Variants in TG observed in about 807,000 individuals in gnomAD.
The protein encoded by TG is thyroglobulin.
A neutral mutation model predicts 324.7 loss-of-function variants in TG; 270 were observed. The observed-to-expected ratio is 0.83, with a 90% CI of 0.75 to 0.92. The LOEUF is 0.92. Ranked by LOEUF, TG falls within the 40% of genes least tolerant of loss-of-function variation. The pLI, the probability that TG is intolerant of heterozygous loss-of-function variation, is 0.00. For synonymous variants in TG, 1,401 were observed against 1,327.0 expected, an observed-to-expected ratio of 1.06 and a Z score of -1.21; for missense variants, 3,591 against 3,456.4, an observed-to-expected ratio of 1.04 and a Z score of -0.98.
Position 133,079,139 on chromosome 8 carries a change from C to T in TG, c.7240-15905C>T, listed in dbSNP as rs1330908686. ...TAGCAGGTGATGCCCCCACCAAGGA[C>T]GTCAAGTGTAAGCATGGAGTCAGGC... On this transcript the variant is annotated intron_variant, in intron 41 of 47. Coordinates refer to ENST00000220616, the MANE Select transcript of TG (RefSeq NM_003235.5). 4.6e-5 allele frequency among the ~76,000 whole-genome samples: 7 copies of T among 152,116 alleles called. No individual in the cohort carries two copies. The East Asian group carries it at 5.8e-4, about 13-fold the overall frequency.
At position 132,888,299 on chromosome 8, in the gene TG, A is replaced by G. The variant is rs150186664; in HGVS notation, c.2492A>G (p.Asp831Gly). The G allele has an allele frequency of 2.5e-6, 4 of 1,614,004 alleles. No individual in the cohort carries two copies. The African/African-American group carries it at 5.3e-5, about 22-fold the overall frequency. The change falls in exon 10 of 48, where the codon GAT (aspartate) becomes GGT (glycine). Residue 831 changes from aspartate (D) to glycine (G), a missense_variant. By Grantham distance (94) the Asp-to-Gly change is moderately conservative (BLOSUM62 -1). Transcript: ENST00000220616. ...AGTCTGTATGAGGCTGGCCAGCAAG[A>G]TGTCTTCCCGGTGCTGTCACAATAC... ...IQSLYEAGQQDVFPVLSQYPS... is the reference protein window; with the variant it reads ...IQSLYEAGQQGVFPVLSQYPS...
intron 27 of TG, among the ~76,000 whole-genome samples, chr8:132,953,526 A>G (rs185148904): frequency 6.6e-6 from 1 of 152,306 alleles, no homozygotes; most frequent in East Asian, 1.9e-4. Context: ...TCTGTTTGGT[A>G]AAAGCTTCAT....
At position 132,983,379 on chromosome 8, in the gene TG, C is replaced by T. The variant is rs780873069; in HGVS notation, c.6229C>T (p.Pro2077Ser). 1 of 1,613,942 alleles carries T rather than the reference C, an allele frequency of 6.2e-7. No individual in the cohort carries two copies. The highest frequency in any genetic ancestry group is 1.1e-5 in the South Asian group (1 of 91,074). The change falls in exon 35 of 48, where the codon CCT becomes TCT. Residue 2077 changes from proline to serine, a missense_variant. Pro to Ser is a moderately conservative substitution (Grantham distance 74, BLOSUM62 -1). Coordinates refer to ENST00000220616, the MANE Select transcript of TG (RefSeq NM_003235.5). ...TCAAAATAATGCTCCCAGTTTTTGC[C>T]CTTTGGTTGTTCTGCCTTCCCTCAC... ...IAQNNAPSFCPLVVLPSLTEK... is the reference protein window; with the variant it reads ...IAQNNAPSFCSLVVLPSLTEK...
At chr8:133,013,398 G>A (rs1188925988) in intron 36 of TG, among the ~76,000 whole-genome samples, 1 of 152,084 alleles carries the variant, frequency 6.6e-6, no homozygotes, top group African/African-American at 2.4e-5. Context: ...TGAAAGGGTA[G>A]ATGGATGGAA....
intron 22 of TG, 28 bp downstream of exon 22, chr8:132,923,536 G>A (rs1213847733): frequency 5.0e-6 from 8 of 1,607,456 alleles, no homozygotes; most frequent in Non-Finnish European, 6.8e-6. Context: ...AATCAGTCAT[G>A]GTTCCTGGGG....
chr8:132,886,852 A>C lies in TG; in HGVS notation c.1480A>C (p.Thr494Pro), dbSNP rs114720115. Residue 494 changes from threonine (T) to proline (P), a missense_variant, in exon 9 of 48, where the codon ACA (threonine) becomes CCA (proline). Coordinates refer to ENST00000220616, the MANE Select transcript of TG (RefSeq NM_003235.5). ...NLSGALGTRG[T>P]FNFSQFFQQL... ...GTCTGGAGCCCTTGGCACAAGAGGCACATTTAACTTCAGTCAATTTTTCCA... is the reference window on the plus strand; with the variant it reads ...GTCTGGAGCCCTTGGCACAAGAGGCCCATTTAACTTCAGTCAATTTTTCCA... 2 of 1,614,200 alleles carry C rather than the reference A, an allele frequency of 1.2e-6. No individual in the cohort carries two copies. Among genetic ancestry groups the C allele is most frequent in the South Asian group, 2.2e-5 (2 of 91,078 alleles).
At chr8:133,131,137 A>C (rs1851917466) in intron 45 of TG, among the ~76,000 whole-genome samples, 1 of 152,010 alleles carries the variant, frequency 6.6e-6, no homozygotes. Flanking sequence ...TGGCTTTTCC[A>C]CTCTACCACT....
intron 25 of TG, among the ~76,000 whole-genome samples, chr8:132,940,848 G>C (rs1204395423): frequency 6.6e-6 from 1 of 152,228 alleles, no homozygotes; most frequent in African/African-American, 2.4e-5. Context: ...GCAATGACAT[G>C]CTCAGAAAAC....
chr8:133,027,886 C>T (rs538366313), intron 40 of TG, among the ~76,000 whole-genome samples: 4 of 152,202 alleles, frequency 2.6e-5, no homozygotes, highest in East Asian at 3.9e-4. Flanking sequence ...CATGTTGGAC[C>T]GTAATTGCTT....
At chr8:132,939,612 G>A (rs1475302956) in intron 25 of TG, among the ~76,000 whole-genome samples, 1 of 152,084 alleles carries the variant, frequency 6.6e-6, no homozygotes, top group African/African-American at 2.4e-5. Context: ...CTGAGCATAA[G>A]CTAAGTGGCA....
chr8:132,988,355 G>C (rs148367223), intron 35 of TG, among the ~76,000 whole-genome samples: 1 of 152,250 alleles, frequency 6.6e-6, no homozygotes, highest in South Asian at 2.1e-4. Flanking sequence ...GGAAGCATGG[G>C]GACATGCATC....
In TG at chr8:132,869,716, G is replaced by T. The variant is rs376232549; in HGVS notation, c.177-13G>T. 6.2e-7 allele frequency: 1 copy of T among 1,613,782 alleles called. No individual in the cohort carries two copies. The highest frequency in any genetic ancestry group is 2.2e-5 in the East Asian group (1 of 44,890). ...CCCATCCCAGGGTCACCTGGTCTGTGTCTCCTCCTCAGGACTGTCCAGTGC... is the reference window on the plus strand; with the variant it reads ...CCCATCCCAGGGTCACCTGGTCTGTTTCTCCTCCTCAGGACTGTCCAGTGC... On this transcript the variant is annotated splice_polypyrimidine_tract_variant and intron_variant, in intron 2 of 47. Coordinates refer to ENST00000220616, the MANE Select transcript of TG (RefSeq NM_003235.5).
intron 2 of TG, among the ~76,000 whole-genome samples, chr8:132,868,498 C>T (rs955064819): frequency 2.0e-5 from 3 of 152,210 alleles, no homozygotes; most frequent in African/African-American, 7.2e-5. Context: ...CTTGCCATCA[C>T]TTTTTCTGTG....
chr8:133,099,420 G>A (rs1588094610), intron 43 of TG, among the ~76,000 whole-genome samples: 3 of 152,268 alleles, frequency 2.0e-5, no homozygotes, highest in South Asian at 2.1e-4. Context: ...GAGTAGTGAC[G>A]GTGGGACTGG....
intron 17 of TG, 60 bp from the exon 18 acceptor site, chr8:132,908,126 A>C: frequency 1.9e-6 from 3 of 1,600,442 alleles, no homozygotes; most frequent in Admixed American, 1.7e-5. Context: ...GGAAATCCCA[A>C]ACAAAGAAAA....
intron 28 of TG, among the ~76,000 whole-genome samples, chr8:132,961,885 C>G (rs1188142756): frequency 6.6e-6 from 1 of 152,172 alleles, no homozygotes; most frequent in African/African-American, 2.4e-5. Context: ...ACTGAAAGAG[C>G]AGGAAGGCAC....
Position 132,941,526 on chromosome 8 carries a change from C to T in TG, c.5217C>T (p.Leu1739=). The T allele has an allele frequency of 6.2e-7, 1 of 1,614,188 alleles. No individual in the cohort carries two copies. Among genetic ancestry groups the T allele is most frequent in the Non-Finnish European group, 8.5e-7 (1 of 1,180,038 alleles). The change falls in exon 26 of 48, where the codon CTC becomes CTT. Residue 1739 remains leucine (L), a synonymous_variant. Coordinates refer to ENST00000220616, the MANE Select transcript of TG (RefSeq NM_003235.5). ...DRDLCCDGFV[L]TQVQGGAIIC... ...ATCTGTGTTGCGATGGCTTCGTCCT[C>T]ACACAGGTTCAAGGAGGTAATGTTG...
intron 35 of TG, chr8:133,001,761 T>C (rs1833529188): frequency 1.0e-6 from 1 of 985,360 alleles, no homozygotes; most frequent in South Asian, 4.7e-5. Flanking sequence ...ACTTCTATTC[T>C]GCTTATCACA....
At chr8:132,969,881 T>C (rs55819705) in intron 32 of TG, among the ~76,000 whole-genome samples, 14,510 of 125,914 alleles carry the variant, frequency 0.12, 956 homozygotes, top group Middle Eastern at 0.25. Flanking sequence ...GCCACTGCAC[T>C]CCAGCCTAGC....
Sources: gnomAD v4.1 joint callset for allele counts (sites outside exome capture counted in the v4.1 genomes callset) on GRCh38, gnomAD v4.1.1 for gene constraint, MANE v1.5 for transcripts, NCBI Gene and HGNC (gene_info 2026-07-23, HGNC 2026-07-21) for gene names.